POLR3B: variants seen among roughly 807,000 people sequenced by gnomAD.
POLR3B encodes the protein DNA-directed RNA polymerase III subunit RPC2.
A neutral mutation model predicts 147.4 loss-of-function variants in POLR3B; 96 were observed. The observed-to-expected ratio is 0.65, with a 90% CI of 0.55 to 0.77. The LOEUF is 0.77. POLR3B is among the 30% of genes least tolerant of loss of function. POLR3B has a pLI of 0.00. For synonymous variants in POLR3B, 461 were observed against 485.9 expected (o/e 0.95, Z 0.67); for missense variants, 1,036 against 1,413.5 (o/e 0.73, Z 4.28).
intron 19 of POLR3B, among the ~76,000 whole-genome samples, chr12:106,453,889 C>T (rs2037831609): frequency 6.6e-6 from 1 of 152,102 alleles, no homozygotes; most frequent in Non-Finnish European, 1.5e-5. Flanking sequence ...AGGGGCCAAG[C>T]CTTTTCTCAT....
intron 23 of POLR3B, among the ~76,000 whole-genome samples, chr12:106,493,169 C>G (rs748598566): frequency 2.0e-4 from 30 of 152,210 alleles, no homozygotes; most frequent in Non-Finnish European, 3.4e-4. Flanking sequence ...AGTCCATCCT[C>G]TTTTCAAGGA....
At chr12:106,436,414 C>T (rs749971744) in intron 16 of POLR3B, among the ~76,000 whole-genome samples, 1 of 152,192 alleles carries the variant, frequency 6.6e-6, no homozygotes, top group South Asian at 2.1e-4. Context: ...CCACCCATTA[C>T]GTCACTGAAA....
At chr12:106,498,805 C>T (rs145357000) in intron 25 of POLR3B, among the ~76,000 whole-genome samples, 150 of 152,230 alleles carry the variant, frequency 9.9e-4, no homozygotes, top group African/African-American at 3.4e-3. Flanking sequence ...AGGCTGGTCT[C>T]GAACTCCTGA....
At chr12:106,474,745 T>C (rs1423825827) in intron 23 of POLR3B, among the ~76,000 whole-genome samples, 2 of 146,092 alleles carry the variant, frequency 1.4e-5, no homozygotes, top group South Asian at 2.2e-4. Context: ...GTCTATTTGA[T>C]TCTTCTCTCT....
chr12:106,477,837 G>A (rs533474971), intron 23 of POLR3B, among the ~76,000 whole-genome samples: 3 of 150,316 alleles, frequency 2.0e-5, no homozygotes, highest in Non-Finnish European at 4.4e-5. Context: ...CGTCGCTCAC[G>A]GGCTGGGAGC....
chr12:106,493,494 A>G (rs1003847034), intron 23 of POLR3B, among the ~76,000 whole-genome samples: 2 of 152,208 alleles, frequency 1.3e-5, no homozygotes, highest in Non-Finnish European at 2.9e-5. Context: ...TCATCTGTCT[A>G]ATTTGAGATT....
chr12:106,416,546 T>C (rs1160036483), intron 12 of POLR3B, among the ~76,000 whole-genome samples: 1 of 152,176 alleles, frequency 6.6e-6, no homozygotes, highest in East Asian at 1.9e-4. Flanking sequence ...CACAGGTCCT[T>C]TTCCCAGGAG....
chr12:106,403,644 A>G (rs1391986270), intron 10 of POLR3B, among the ~76,000 whole-genome samples: 4 of 151,708 alleles, frequency 2.6e-5, no homozygotes, highest in Admixed American at 6.6e-5. Context: ...AAAATGATGA[A>G]TTCATGTCCT....
At chr12:106,358,712 C>T (rs894753453) in intron 1 of POLR3B, among the ~76,000 whole-genome samples, 1 of 152,134 alleles carries the variant, frequency 6.6e-6, no homozygotes, top group Non-Finnish European at 1.5e-5. Flanking sequence ...GAAACCTCCT[C>T]GGCAAGACCA....
intron 23 of POLR3B, among the ~76,000 whole-genome samples, chr12:106,478,463 G>C (rs1010103640): frequency 1.3e-5 from 2 of 152,148 alleles, no homozygotes; most frequent in East Asian, 3.9e-4. Context: ...GTCCTCCTGG[G>C]TCTAGCTGAC....
chr12:106,509,674 C>CAA lies in POLR3B; in HGVS notation c.*133_*134dup. 5 of 852,570 alleles carry CAA rather than the reference C, an allele frequency of 5.9e-6. No individual in the cohort carries two copies. The highest frequency in any genetic ancestry group is 9.1e-6 in the Non-Finnish European group (5 of 550,924). The allele number at this position is 852,570 out of a possible 1,614,324, so 52.8% of individuals were successfully genotyped here. ...TTGCGTATTCTCTCTCTAAAACAAC[C>CAA]AAAAAAAAATGGAGAGGCTTTTTAT... On this transcript the variant is annotated 3_prime_UTR_variant, in exon 28 of 28. Transcript: ENST00000228347.
chr12:106,503,261 T>TA (rs1183413481), intron 26 of POLR3B, among the ~76,000 whole-genome samples: 1 of 152,202 alleles, frequency 6.6e-6, no homozygotes, highest in Non-Finnish European at 1.5e-5. Context: ...CACAACAATT[T>TA]AAAAAAATCT....
chr12:106,376,491 T>C, intron 7 of POLR3B, 41 bp downstream of exon 7: 1 of 1,311,564 alleles, frequency 7.6e-7, no homozygotes, highest in African/African-American at 1.4e-5. Flanking sequence ...TTCCTTATTC[T>C]TTTATTCTGC....
intron 12 of POLR3B, among the ~76,000 whole-genome samples, chr12:106,419,471 C>G (rs980310344): frequency 6.6e-6 from 1 of 152,198 alleles, no homozygotes; most frequent in Non-Finnish European, 1.5e-5. Flanking sequence ...AGTCAAAAAA[C>G]TACCTATCAG....
chr12:106,417,526 C>A (rs557668781), intron 12 of POLR3B, among the ~76,000 whole-genome samples: 1 of 152,046 alleles, frequency 6.6e-6, no homozygotes, highest in African/African-American at 2.4e-5. Context: ...AAGAGTGGAC[C>A]GGCTAGAAGC....
intron 19 of POLR3B, among the ~76,000 whole-genome samples, chr12:106,445,045 G>GC (rs1326385660): frequency 1.3e-5 from 2 of 152,156 alleles, no homozygotes; most frequent in Admixed American, 1.3e-4. Flanking sequence ...TTATACCCTT[G>GC]CAATTGCTAG....
chr12:106,417,182 C>A (rs551603417), intron 12 of POLR3B, among the ~76,000 whole-genome samples: 1 of 152,098 alleles, frequency 6.6e-6, no homozygotes, highest in African/African-American at 2.4e-5. Flanking sequence ...ATGTGCAGGC[C>A]GATATTTGAA....
intron 23 of POLR3B, among the ~76,000 whole-genome samples, chr12:106,467,989 C>T (rs2038030546): frequency 6.6e-6 from 1 of 152,174 alleles, no homozygotes; most frequent in African/African-American, 2.4e-5. Context: ...GGAGGATTCC[C>T]TGTTTTTCTA....
chr12:106,443,398 T>C (rs2037678818), intron 18 of POLR3B, among the ~76,000 whole-genome samples: 1 of 152,204 alleles, frequency 6.6e-6, no homozygotes. Flanking sequence ...TTTAAAGTAA[T>C]TAAGTAAAAT....
Sources: gnomAD v4.1 joint callset for allele counts (sites outside exome capture counted in the v4.1 genomes callset) on GRCh38, gnomAD v4.1.1 for gene constraint, MANE v1.5 for transcripts, NCBI Gene and HGNC (gene_info 2026-07-23, HGNC 2026-07-21) for gene names.